The following UBLCP1 variants were observed in gnomAD, a reference collection of about 807,000 sequenced individuals.
UBLCP1 encodes the protein ubiquitin-like domain-containing CTD phosphatase 1.
UBLCP1 carries 28 observed loss-of-function variants against 42.4 expected under a neutral mutation model. That is an observed-to-expected ratio of 0.66 (90% CI 0.49 to 0.90). The LOEUF (loss-of-function observed/expected upper bound fraction) is 0.90. UBLCP1 is among the 40% of genes least tolerant of loss of function. The pLI is 0.00. For missense variants in UBLCP1, 279 were observed against 374.5 expected (o/e 0.75, Z 2.10); for synonymous variants, 122 against 120.8 (o/e 1.01, Z -0.07).
chr5:159,266,658 C>T (rs574808328), intron 1 of UBLCP1, among the ~76,000 whole-genome samples: 31 of 152,316 alleles, frequency 2.0e-4, no homozygotes, highest in South Asian at 6.2e-4. Context: ...AGCACAGGCC[C>T]GGAGGCCCAG....
Position 159,284,864 on chromosome 5 carries a change from G to A in UBLCP1, c.930-40G>A, listed in dbSNP as rs1162841490. 9.3e-6 allele frequency: 15 copies of A among 1,608,952 alleles called. No homozygotes were observed. The Admixed American group carries it at 2.5e-4, about 27-fold the overall frequency. ...AAGTTAGGTTATCTTCATGAATTTAGCATGATACAGCTTTGACATCTTTAT... is the reference window on the plus strand; with the variant it reads ...AAGTTAGGTTATCTTCATGAATTTAACATGATACAGCTTTGACATCTTTAT... On this transcript the variant is annotated intron_variant, in intron 10 of 10. Coordinates refer to ENST00000296786, the MANE Select transcript of UBLCP1 (RefSeq NM_145049.5).
At chr5:159,279,837 C>T (rs1022680560) in intron 9 of UBLCP1, among the ~76,000 whole-genome samples, 8 of 151,894 alleles carry the variant, frequency 5.3e-5, no homozygotes, top group Non-Finnish European at 8.8e-5. Flanking sequence ...GTTTGTGAAA[C>T]GAATGGTTAT....
intron 9 of UBLCP1, among the ~76,000 whole-genome samples, chr5:159,282,865 AAAAT>A (rs1157519011): frequency 1.3e-5 from 2 of 152,086 alleles, no homozygotes; most frequent in Non-Finnish European, 2.9e-5. Flanking sequence ...TTTTATGAAT[AAAAT>A]AATGTGAATG....
chr5:159,269,969 C>T lies in UBLCP1; in HGVS notation c.216C>T (p.Ile72=). Reference sequence around the variant, plus strand: ...TCAAACTGAAACCAAATACTAAAATCATGATGATGGGAACTCGTGAGGAGA... The same window carrying T: ...TCAAACTGAAACCAAATACTAAAATTATGATGATGGGAACTCGTGAGGAGA... The part of the protein sequence containing the change: ...GALKLKPNTK[I]MMMGTREESL... Residue 72 remains isoleucine, a synonymous_variant, in exon 3 of 11, where the codon ATC becomes ATT. Coordinates refer to ENST00000296786, the MANE Select transcript of UBLCP1 (RefSeq NM_145049.5). 1.2e-6 allele frequency: 2 copies of T among 1,612,514 alleles called. No homozygotes were observed. The highest frequency in any genetic ancestry group is 1.7e-6 in the Non-Finnish European group (2 of 1,179,482).
rs751784331 is a variant in UBLCP1 at position 159,284,931 on chromosome 5, G to C, written c.957G>C (p.Ter319TyrextTer12). ...ERYLSKKQGQ* is the reference protein window; with the variant it reads ...ERYLSKKQGQY ...ATCTCTCAAAGAAGCAAGGACAGTA[G>C]TTACAAGTTATACTGGCAGTTATTG... Residue 319 changes from the stop codon to tyrosine, a stop_lost, in exon 11 of 11, where the codon TAG becomes TAC. Transcript: ENST00000296786. 6.2e-7 allele frequency: 1 copy of C among 1,612,630 alleles called. No homozygotes were observed. The highest frequency in any genetic ancestry group is 1.3e-5 in the African/African-American group (1 of 74,878).
At chr5:159,276,516 T>C (rs1412356139) in intron 8 of UBLCP1, among the ~76,000 whole-genome samples, 2 of 152,170 alleles carry the variant, frequency 1.3e-5, no homozygotes, top group African/African-American at 4.8e-5. Context: ...ACATTAAAAA[T>C]TACTTAGGGA....
intron 7 of UBLCP1, 22 bp downstream of exon 7, chr5:159,274,644 A>G (rs755614870): frequency 1.9e-6 from 3 of 1,596,294 alleles, no homozygotes; most frequent in Non-Finnish European, 2.6e-6. Flanking sequence ...AAAGCAATCC[A>G]TTTAAAAATA....
chr5:159,268,620 A>C (rs1435844921), intron 1 of UBLCP1, among the ~76,000 whole-genome samples: 1 of 152,202 alleles, frequency 6.6e-6, no homozygotes, highest in Admixed American at 6.5e-5. Context: ...TCATAATTGC[A>C]CATTTCCAGT....
rs1159617207 is a variant in UBLCP1, at chr5:159,278,355, G to A, written c.801+1G>A. On this transcript the variant is annotated splice_donor_variant, in intron 9 of 10. Coordinates refer to ENST00000296786, the MANE Select transcript of UBLCP1 (RefSeq NM_145049.5). LOFTEE classifies it high-confidence loss of function. ...AATGAACCCACAGAATGGACTAAAG[G>A]TAAGACATACTTTTACTTGTTATGT... is the stretch of plus-strand genomic sequence containing the variant. 2 of 1,588,176 alleles carry A rather than the reference G, an allele frequency of 1.3e-6. No individual in the cohort carries two copies. Among genetic ancestry groups the A allele is most frequent in the African/African-American group, 1.3e-5 (1 of 74,350 alleles).
Position 159,269,968 on chromosome 5 carries a change from T to A in UBLCP1, c.215T>A (p.Ile72Asn). ...CTCAAACTGAAACCAAATACTAAAATCATGATGATGGGAACTCGTGAGGAG... is the reference window on the plus strand; with the variant it reads ...CTCAAACTGAAACCAAATACTAAAAACATGATGATGGGAACTCGTGAGGAG... ...GALKLKPNTK[I>N]MMMGTREESL... Residue 72 changes from isoleucine to asparagine, a missense_variant, in exon 3 of 11, where the codon ATC (isoleucine) becomes AAC (asparagine). Transcript: ENST00000296786. The A allele has an allele frequency of 6.2e-7, 1 of 1,612,630 alleles. No individual in the cohort carries two copies. The highest frequency in any genetic ancestry group is 8.5e-7 in the Non-Finnish European group (1 of 1,179,500).
At position 159,269,943 on chromosome 5, in the gene UBLCP1, C is replaced by G. The variant is rs748322031; in HGVS notation, c.190C>G (p.Leu64Val). ...AGAAAATGATGTTAAGCTTGGAGCT[C>G]TCAAACTGAAACCAAATACTAAAAT... ...PAENDVKLGA[L>V]KLKPNTKIMM... The change falls in exon 3 of 11, where the codon CTC (leucine) becomes GTC (valine). Residue 64 changes from leucine (L) to valine (V), a missense_variant. Transcript: ENST00000296786. The G allele has an allele frequency of 1.2e-6, 2 of 1,612,936 alleles. No individual in the cohort carries two copies. Among genetic ancestry groups the G allele is most frequent in the Admixed American group, 3.3e-5 (2 of 59,852 alleles).
At chr5:159,268,440 T>G (rs1753423316) in intron 1 of UBLCP1, among the ~76,000 whole-genome samples, 1 of 152,214 alleles carries the variant, frequency 6.6e-6, no homozygotes. Context: ...CAAAGTCAGA[T>G]GGCTAAGTGG....
intron 1 of UBLCP1, among the ~76,000 whole-genome samples, chr5:159,265,896 C>T (rs1248805028): frequency 1.3e-5 from 2 of 152,100 alleles, no homozygotes; most frequent in Admixed American, 6.6e-5. Context: ...ATTGGCCAGG[C>T]TGGTCTTGAA....
chr5:159,272,661 A>G (rs1753484753), intron 6 of UBLCP1, among the ~76,000 whole-genome samples: 1 of 152,260 alleles, frequency 6.6e-6, no homozygotes, highest in Non-Finnish European at 1.5e-5. Context: ...GTTTAAAACA[A>G]AATCACAGTG....
At chr5:159,267,755 G>A (rs887440972) in intron 1 of UBLCP1, among the ~76,000 whole-genome samples, 1 of 152,218 alleles carries the variant, frequency 6.6e-6, no homozygotes, top group Non-Finnish European at 1.5e-5. Context: ...AGTCTCATGA[G>A]ATCTGATGGG....
In UBLCP1 at chr5:159,270,597, G is replaced by T; in HGVS notation, c.402G>T (p.Arg134Ser). The stretch of plus-strand genomic sequence containing the variant: ...AAGTGGAAATTTTGAATCCTCCCAG[G>T]GAAGGGAAAAAGCTTTTGGTGCTAG... ...EYKVEILNPP[R>S]EGKKLLVLDV... The change falls in exon 5 of 11, where the codon AGG becomes AGT. Residue 134 changes from arginine (R) to serine (S), a missense_variant. Transcript: ENST00000296786. 4 of 1,609,326 alleles carry T rather than the reference G, an allele frequency of 2.5e-6. No individual in the cohort carries two copies. The highest frequency in any genetic ancestry group is 3.4e-6 in the Non-Finnish European group (4 of 1,178,634).
intron 1 of UBLCP1, 98 bp downstream of exon 1, chr5:159,263,458 C>G (rs1359339181): frequency 6.6e-6 from 1 of 152,306 alleles, no homozygotes; most frequent in East Asian, 1.9e-4. Flanking sequence ...GCTTGCACTG[C>G]GGCGGGCTGG....
In UBLCP1 at chr5:159,272,011, A is replaced by G. The variant is rs1334314759; in HGVS notation, c.449-12A>G. The G allele has an allele frequency of 1.3e-6, 2 of 1,597,036 alleles. No individual in the cohort carries two copies. Among genetic ancestry groups the G allele is most frequent in the East Asian group, 2.2e-5 (1 of 44,724 alleles). On this transcript the variant is annotated splice_polypyrimidine_tract_variant and intron_variant, in intron 5 of 10. Transcript: ENST00000296786. ...GTAAACTAATAATTATTTATGATCA[A>G]TTTTCTTTTAGACCACAGGTCTTGT...
rs1390937780 is a variant in UBLCP1 at position 159,284,948 on chromosome 5, C to T, written c.*17C>T. 1 of 1,610,900 alleles carries T rather than the reference C, an allele frequency of 6.2e-7. No homozygotes were observed. On this transcript the variant is annotated 3_prime_UTR_variant, in exon 11 of 11. Coordinates refer to ENST00000296786, the MANE Select transcript of UBLCP1 (RefSeq NM_145049.5). ...GGACAGTAGTTACAAGTTATACTGG[C>T]AGTTATTGAAGATACTTAAGATCCA...
Sources: gnomAD v4.1 joint callset for allele counts (sites outside exome capture counted in the v4.1 genomes callset) on GRCh38, gnomAD v4.1.1 for gene constraint, MANE v1.5 for transcripts, NCBI Gene and HGNC (gene_info 2026-07-23, HGNC 2026-07-21) for gene names.